Variants in GSK3B observed in about 807,000 individuals in gnomAD.
GSK3B encodes the protein glycogen synthase kinase 3 beta.
A neutral mutation model predicts 56.4 loss-of-function variants in GSK3B; 15 were observed. That is an observed-to-expected ratio of 0.27 (90% confidence interval 0.18 to 0.41). GSK3B has a LOEUF of 0.41. Ranked by LOEUF, GSK3B falls within the 10% of genes least tolerant of loss-of-function variation. The pLI is 1.00. For missense variants in GSK3B, 300 were observed against 513.4 expected, an observed-to-expected ratio of 0.58 and a Z score of 4.02; for synonymous variants, 181 against 188.9, an observed-to-expected ratio of 0.96 and a Z score of 0.34.
intron 1 of GSK3B, among the ~76,000 whole-genome samples, chr3:120,065,796 T>C (rs376418918): frequency 1.3e-5 from 2 of 152,158 alleles, no homozygotes; most frequent in African/African-American, 2.4e-5. Context: ...TACTGATACA[T>C]GCTAAAACAG....
intron 1 of GSK3B, chr3:120,041,313 A>G: frequency 3.3e-6 from 1 of 298,704 alleles, no homozygotes; most frequent in South Asian, 4.1e-5. Flanking sequence ...TCCAGCTGAT[A>G]TATCCACCGG....
At chr3:119,917,134 A>G (rs1282613942) in intron 4 of GSK3B, among the ~76,000 whole-genome samples, 2 of 151,996 alleles carry the variant, frequency 1.3e-5, no homozygotes, top group African/African-American at 2.4e-5. Flanking sequence ...CTTGGTAAAA[A>G]AACAATTAAA....
chr3:119,904,383 T>C (rs1357659390), intron 7 of GSK3B, among the ~76,000 whole-genome samples: 2 of 152,066 alleles, frequency 1.3e-5, no homozygotes, highest in Non-Finnish European at 2.9e-5. Context: ...TGTTAACAAG[T>C]GTAAAAGATT....
At chr3:120,082,385 CTTTT>C (rs1173737285) in intron 1 of GSK3B, among the ~76,000 whole-genome samples, 566 of 66,294 alleles carry the variant, frequency 8.5e-3, no homozygotes, top group African/African-American at 0.027. Flanking sequence ...TTAGTATGTT[CTTTT>C]TTTTTTTTTT....
chr3:119,989,497 T>C (rs938807612), intron 2 of GSK3B, among the ~76,000 whole-genome samples: 4 of 151,592 alleles, frequency 2.6e-5, no homozygotes, highest in African/African-American at 9.7e-5. Context: ...ATACAAAAAT[T>C]AGCCGGGCGT....
chr3:119,894,731 T>C (rs1409130006), intron 7 of GSK3B, among the ~76,000 whole-genome samples: 1 of 152,146 alleles, frequency 6.6e-6, no homozygotes, highest in Non-Finnish European at 1.5e-5. Flanking sequence ...AAAGCACAAG[T>C]TTTTAAATTT....
intron 7 of GSK3B, among the ~76,000 whole-genome samples, chr3:119,887,389 G>A (rs2056447699): frequency 6.6e-6 from 1 of 151,974 alleles, no homozygotes; most frequent in African/African-American, 2.4e-5. Context: ...AAATGACAGA[G>A]AAGACAGAAT....
rs34550759 is a variant in GSK3B at position 119,936,354 on chromosome 3, A to ATTT, written c.366+10911_366+10913dup. ...ATATAAAAAATATATATATATATAT[A>ATTT]TTTTTTTTTTGAGACAAAGTCTCGC... is the stretch of plus-strand genomic sequence containing the variant. On this transcript the variant is annotated intron_variant, in intron 3 of 10. Transcript: ENST00000264235. Among the ~76,000 whole-genome samples the ATTT allele has an allele frequency of 4.4e-4, 55 of 125,762 alleles. 1 individual carries two copies. The highest frequency in any genetic ancestry group is 1.4e-3 in the African/African-American group (48 of 33,954). 82.5% of individuals were successfully genotyped at this position (125,762 alleles called of 152,430 possible).
chr3:119,991,709 T>A (rs2057567143), intron 2 of GSK3B, among the ~76,000 whole-genome samples: 1 of 152,070 alleles, frequency 6.6e-6, no homozygotes. Context: ...AATTCCTATT[T>A]TATGATAATC....
At chr3:119,995,182 A>G (rs915939451) in intron 2 of GSK3B, among the ~76,000 whole-genome samples, 5 of 151,250 alleles carry the variant, frequency 3.3e-5, no homozygotes, top group Non-Finnish European at 7.4e-5. Context: ...AAAAAAAATT[A>G]AAAACTAGCC....
At chr3:119,856,555 T>C (rs2108025730) in intron 9 of GSK3B, among the ~76,000 whole-genome samples, 1 of 152,332 alleles carries the variant, frequency 6.6e-6, no homozygotes, top group African/African-American at 2.4e-5. Flanking sequence ...TCACTCATTA[T>C]TTGTCATTAC....
intron 1 of GSK3B, among the ~76,000 whole-genome samples, chr3:120,084,852 T>A (rs1247233937): frequency 2.0e-5 from 3 of 152,256 alleles, no homozygotes; most frequent in Non-Finnish European, 2.9e-5. Context: ...AAGTATTTAC[T>A]AATTTAATAG....
chr3:120,039,494 T>TA (rs373586232), intron 1 of GSK3B, among the ~76,000 whole-genome samples: 163 of 148,696 alleles, frequency 1.1e-3, no homozygotes, highest in Middle Eastern at 0.01. Flanking sequence ...CTAGTTACTG[T>TA]AAAAAAAAAA....
intron 2 of GSK3B, among the ~76,000 whole-genome samples, chr3:119,975,120 T>A (rs1470707336): frequency 6.6e-6 from 1 of 152,162 alleles, no homozygotes; most frequent in African/African-American, 2.4e-5. Context: ...TTGTGATATA[T>A]CCATAAATAA....
intron 9 of GSK3B, among the ~76,000 whole-genome samples, chr3:119,860,842 A>G (rs909088084): frequency 2.6e-5 from 4 of 152,174 alleles, no homozygotes; most frequent in African/African-American, 9.7e-5. Flanking sequence ...AGCACCTACT[A>G]TATGTACTTT....
intron 3 of GSK3B, among the ~76,000 whole-genome samples, chr3:119,934,488 G>T (rs1034332935): frequency 4.6e-5 from 7 of 152,172 alleles, no homozygotes; most frequent in Non-Finnish European, 1.0e-4. Flanking sequence ...CTGCCATGCA[G>T]GTAAGTAAGA....
intron 1 of GSK3B, chr3:120,041,176 G>T: frequency 5.6e-6 from 1 of 177,318 alleles, no homozygotes; most frequent in South Asian, 1.1e-4. Context: ...GCCAAACCCC[G>T]AACAGGCTAC....
intron 1 of GSK3B, among the ~76,000 whole-genome samples, chr3:120,006,909 A>C (rs895068034): frequency 7.2e-5 from 11 of 152,104 alleles, no homozygotes; most frequent in Admixed American, 7.2e-4. Flanking sequence ...GAAATAACTA[A>C]GATCAGAGCA....
chr3:119,894,740 T>C (rs900886134), intron 7 of GSK3B, among the ~76,000 whole-genome samples: 3 of 152,156 alleles, frequency 2.0e-5, no homozygotes, highest in Non-Finnish European at 4.4e-5. Flanking sequence ...GTTTTTAAAT[T>C]TGACAAAGTC....
Sources: allele counts gnomAD v4.1 joint callset (sites outside exome capture counted in the v4.1 genomes callset), GRCh38; gene constraint gnomAD v4.1.1; transcripts MANE v1.5; gene names NCBI Gene and HGNC (gene_info 2026-07-23, HGNC 2026-07-21).